Variants in VPS37A observed in about 807,000 individuals in gnomAD.
VPS37A encodes VPS37A subunit of ESCRT-I.
In VPS37A, 30 loss-of-function variants were observed where a neutral mutation model predicts 49.8. The observed-to-expected ratio is 0.60, with a 90% CI of 0.45 to 0.82. VPS37A has a LOEUF of 0.82. Ranked by LOEUF, VPS37A falls within the 40% of genes least tolerant of loss-of-function variation. The pLI, the probability that VPS37A is intolerant of heterozygous loss-of-function variation, is 0.00. For missense variants in VPS37A, 593 were observed against 464.4 expected (o/e 1.28, Z -2.55); for synonymous variants, 195 against 160.6 (o/e 1.21, Z -1.62).
chr8:17,309,015 G>A, the VPS37A span, among the ~76,000 whole-genome samples: 1 of 152,214 alleles, frequency 6.6e-6, no homozygotes, highest in African/African-American at 2.4e-5. Context: ...AGGGAAGGCT[G>A]ATCCTCACTA....
intron 1 of VPS37A, among the ~76,000 whole-genome samples, chr8:17,260,904 T>G (rs1009588066): frequency 3.3e-5 from 5 of 152,204 alleles, no homozygotes; most frequent in African/African-American, 1.2e-4. Context: ...ATCCTCTCTT[T>G]GTGCTTCACC....
At chr8:17,317,523 T>A in the VPS37A span, among the ~76,000 whole-genome samples, 2 of 152,194 alleles carry the variant, frequency 1.3e-5, no homozygotes, top group Non-Finnish European at 2.9e-5. Context: ...TGCCTGGTAC[T>A]CCTGATCCCA....
At chr8:17,331,002 T>A in the VPS37A span, 1 of 920,308 alleles carries the variant, frequency 1.1e-6, no homozygotes, top group South Asian at 1.9e-5. Context: ...GAAACGTTCT[T>A]AAGTGTTTAA....
chr8:17,308,370 T>C, the VPS37A span, among the ~76,000 whole-genome samples: 2 of 152,202 alleles, frequency 1.3e-5, no homozygotes, highest in Non-Finnish European at 2.9e-5. Flanking sequence ...TTGGGGGCTT[T>C]AATTTTCTCA....
chr8:17,302,866 C>A (rs1280730198), downstream of VPS37A, among the ~76,000 whole-genome samples: 1 of 151,850 alleles, frequency 6.6e-6, no homozygotes, highest in Non-Finnish European at 1.5e-5. Flanking sequence ...GCATGCACCA[C>A]CATGCCTAAT....
intron 10 of VPS37A, among the ~76,000 whole-genome samples, chr8:17,285,692 A>C (rs189473115): frequency 6.6e-6 from 1 of 152,162 alleles, no homozygotes; most frequent in African/African-American, 2.4e-5. Context: ...TTATGGTTAT[A>C]GTGTTAGTAA....
At chr8:17,279,431 G>C (rs11784340) in intron 6 of VPS37A, among the ~76,000 whole-genome samples, 48,557 of 151,894 alleles carry the variant, frequency 0.32, 10,071 homozygotes, top group East Asian at 0.65. Flanking sequence ...ATGCTACCTT[G>C]TCTGTGAACT....
At chr8:17,252,493 T>A (rs184516858) in intron 1 of VPS37A, among the ~76,000 whole-genome samples, 2 of 152,322 alleles carry the variant, frequency 1.3e-5, no homozygotes, top group African/African-American at 4.8e-5. Flanking sequence ...TTTCTTTATT[T>A]AATAGACTTT....
At chr8:17,305,192 G>C (rs1010608631), downstream of VPS37A, among the ~76,000 whole-genome samples, 2 of 152,100 alleles carry the variant, frequency 1.3e-5, no homozygotes, top group African/African-American at 4.8e-5. Flanking sequence ...AATTAAATCT[G>C]ATAATGTTGT....
At chr8:17,276,733 C>A (rs929406249) in intron 6 of VPS37A, among the ~76,000 whole-genome samples, 1 of 151,974 alleles carries the variant, frequency 6.6e-6, no homozygotes, top group African/African-American at 2.4e-5. Context: ...TGTCATGTGG[C>A]CTGCATTCTT....
chr8:17,267,779 A>G (rs1022795786), intron 2 of VPS37A, among the ~76,000 whole-genome samples: 1 of 152,178 alleles, frequency 6.6e-6, no homozygotes, highest in Non-Finnish European at 1.5e-5. Flanking sequence ...CTCCTGCCTT[A>G]GCCTCCCAAG....
chr8:17,270,507 G>A (rs1420679287), intron 4 of VPS37A, among the ~76,000 whole-genome samples: 1 of 152,150 alleles, frequency 6.6e-6, no homozygotes, highest in Non-Finnish European at 1.5e-5. Context: ...TCCCAAGAGA[G>A]AGAGCATTCC....
At chr8:17,304,031 A>G (rs1363892524), downstream of VPS37A, among the ~76,000 whole-genome samples, 1 of 152,230 alleles carries the variant, frequency 6.6e-6, no homozygotes, top group Non-Finnish European at 1.5e-5. Flanking sequence ...TCCAACCTTA[A>G]CACGTCATGA....
intron 11 of VPS37A, among the ~76,000 whole-genome samples, chr8:17,289,217 A>G (rs370566354): frequency 5.3e-5 from 8 of 152,076 alleles, no homozygotes; most frequent in African/African-American, 1.9e-4. Context: ...ATTAGATCTC[A>G]TTTGTCCATT....
At chr8:17,333,447 T>A in the VPS37A span, among the ~76,000 whole-genome samples, 3 of 152,218 alleles carry the variant, frequency 2.0e-5, no homozygotes, top group South Asian at 6.2e-4. Context: ...AATAGGAGAT[T>A]TGAAAGTATC....
intron 1 of VPS37A, among the ~76,000 whole-genome samples, chr8:17,262,717 A>C (rs1272265748): frequency 1.3e-5 from 2 of 152,154 alleles, no homozygotes; most frequent in Non-Finnish European, 2.9e-5. Context: ...ATAGTAGAAA[A>C]TAGCTTAAAT....
chr8:17,289,089 T>A (rs931623269), intron 11 of VPS37A, among the ~76,000 whole-genome samples: 12 of 152,232 alleles, frequency 7.9e-5, no homozygotes, highest in African/African-American at 2.9e-4. Flanking sequence ...AAGTTCCTTG[T>A]AGATTCTGGA....
rs564144582 is a variant in VPS37A, at chr8:17,284,496, G to T, written c.993G>T (p.Gln331His). The T allele has an allele frequency of 1.3e-6, 2 of 1,594,290 alleles. No homozygotes were observed. The highest frequency in any genetic ancestry group is 4.6e-5 in the East Asian group (2 of 43,724). ...LSESCSASAL[Q>H]ARLKVAAHEA... is the part of the protein sequence containing the mutation. The stretch of plus-strand genomic sequence containing the variant: ...AGAGCTGTAGTGCAAGTGCCCTTCA[G>T]GCAAGATTGAAAGTAGCTGCACATG... Residue 331 changes from glutamine to histidine, a missense_variant, in exon 10 of 12, where the codon CAG becomes CAT. Gln to His is a conservative substitution (Grantham distance 24). Coordinates refer to ENST00000324849, the MANE Select transcript of VPS37A (RefSeq NM_152415.3).
At chr8:17,283,212 G>A (rs1815255758) in intron 9 of VPS37A, among the ~76,000 whole-genome samples, 1 of 151,908 alleles carries the variant, frequency 6.6e-6, no homozygotes, top group South Asian at 2.1e-4. Flanking sequence ...CTGGAGTGCA[G>A]TGCTGCAGTT....
Sources: gnomAD v4.1 joint callset for allele counts (sites outside exome capture counted in the v4.1 genomes callset) on GRCh38, gnomAD v4.1.1 for gene constraint, MANE v1.5 for transcripts, NCBI Gene and HGNC (gene_info 2026-07-23, HGNC 2026-07-21) for gene names.